Variants in TFF1 observed in about 807,000 individuals in gnomAD.
TFF1 encodes trefoil factor 1.
A neutral mutation model predicts 7.7 loss-of-function variants in TFF1; 8 were observed. That is an observed-to-expected ratio of 1.04 (90% CI 0.61 to 1.87). The LOEUF is 1.87. TFF1 is among the 40% of genes most tolerant of loss of function. The probability of loss-of-function intolerance (pLI) is 0.00; values close to 1 mark genes in which losing one functional copy is unlikely to be tolerated. For missense variants in TFF1, 120 were observed against 113.4 expected (o/e 1.06, Z -0.26); for synonymous variants, 47 against 44.8 (o/e 1.05, Z -0.19).
Position 42,363,379 on chromosome 21 carries a change from T to C in TFF1, c.114A>G (p.Arg38=). 1 of 1,614,068 alleles carries C rather than the reference T, an allele frequency of 6.2e-7. No individual in the cohort carries two copies. Among genetic ancestry groups the C allele is most frequent in the Non-Finnish European group, 8.5e-7 (1 of 1,180,010 alleles). ...TGACACCAGGAAAACCACAATTCTG[T>C]CTTTCACGGGGGGCCACTGTACACG... ...TETCTVAPRE[R]QNCGFPGVTP... The change falls in exon 2 of 3, where the codon AGA becomes AGG. Residue 38 remains arginine (R), a synonymous_variant. Transcript: ENST00000291527.
At chr21:42,366,087 C>T (rs1568869248) in intron 1 of TFF1, among the ~76,000 whole-genome samples, 1 of 152,176 alleles carries the variant, frequency 6.6e-6, no homozygotes, top group African/African-American at 2.4e-5. Context: ...GTCAAAAGCA[C>T]TATTCTGAGA....
intron 1 of TFF1, among the ~76,000 whole-genome samples, chr21:42,365,274 G>C (rs2052270356): frequency 6.6e-6 from 1 of 151,298 alleles, no homozygotes; most frequent in Middle Eastern, 3.4e-3. Context: ...AGAGCTGGGG[G>C]CTGGGGTGGG....
At chr21:42,364,927 T>C (rs1047888798) in intron 1 of TFF1, among the ~76,000 whole-genome samples, 3 of 152,044 alleles carry the variant, frequency 2.0e-5, no homozygotes, top group East Asian at 1.9e-4. Context: ...CCCGGGACAC[T>C]GTGGGGGTCA....
intron 1 of TFF1, among the ~76,000 whole-genome samples, chr21:42,364,986 G>C (rs968462428): frequency 1.3e-5 from 2 of 152,110 alleles, no homozygotes; most frequent in Admixed American, 1.3e-4. Context: ...GGTCGGGGGG[G>C]TTTCCTCCTC....
chr21:42,362,611 A>C, intron 2 of TFF1, 116 bp from the exon 3 acceptor site: 1 of 1,287,206 alleles, frequency 7.8e-7, no homozygotes, highest in South Asian at 1.5e-5. Context: ...CATTCTTTAG[A>C]AAACATGAAC....
intron 2 of TFF1, 116 bp from the exon 3 acceptor site, chr21:42,362,611 A>G: frequency 7.8e-7 from 1 of 1,287,206 alleles, no homozygotes; most frequent in South Asian, 1.5e-5. Context: ...CATTCTTTAG[A>G]AAACATGAAC....
chr21:42,362,632 G>A, intron 2 of TFF1, 137 bp from the exon 3 acceptor site: 1 of 1,077,374 alleles, frequency 9.3e-7, no homozygotes, highest in South Asian at 1.7e-5. Context: ...TGTCAGCCGG[G>A]CACGGTGGCT....
At chr21:42,362,533 G>A (rs1419834783) in intron 2 of TFF1, 38 bp from the exon 3 acceptor site, 2 of 1,551,286 alleles carry the variant, frequency 1.3e-6, no homozygotes, top group African/African-American at 1.4e-5. Flanking sequence ...AGATGCTTTA[G>A]TGAGGATAAA....
At chr21:42,364,032 A>G (rs2052260004) in intron 1 of TFF1, among the ~76,000 whole-genome samples, 1 of 151,600 alleles carries the variant, frequency 6.6e-6, no homozygotes, top group African/African-American at 2.4e-5. Context: ...ACTTGAACCC[A>G]GGAGGCAGAG....
intron 1 of TFF1, among the ~76,000 whole-genome samples, chr21:42,364,201 G>A (rs1427934852): frequency 6.6e-6 from 1 of 152,172 alleles, no homozygotes; most frequent in African/African-American, 2.4e-5. Flanking sequence ...GGTGCCCAGG[G>A]TAACCACGGG....
At chr21:42,365,175 G>A (rs1193762398) in intron 1 of TFF1, among the ~76,000 whole-genome samples, 1 of 152,018 alleles carries the variant, frequency 6.6e-6, no homozygotes, top group East Asian at 1.9e-4. Flanking sequence ...TGAGTGACCC[G>A]CAAAGACGCT....
chr21:42,363,469 C>T, intron 1 of TFF1, 62 bp from the exon 2 acceptor site: 1 of 1,551,704 alleles, frequency 6.4e-7, no homozygotes, highest in Non-Finnish European at 8.7e-7. Flanking sequence ...TGTTATCATG[C>T]ACACACCCAT....
intron 1 of TFF1, 119 bp downstream of exon 1, chr21:42,366,292 C>T (rs1404674249): frequency 2.8e-6 from 2 of 703,578 alleles, no homozygotes; most frequent in East Asian, 5.6e-5. Context: ...CTTTTAAGGG[C>T]CTAGAACAGC....
At chr21:42,365,174 C>T (rs1329744126) in intron 1 of TFF1, among the ~76,000 whole-genome samples, 2 of 152,018 alleles carry the variant, frequency 1.3e-5, no homozygotes, top group Non-Finnish European at 2.9e-5. Context: ...CTGAGTGACC[C>T]GCAAAGACGC....
intron 1 of TFF1, among the ~76,000 whole-genome samples, chr21:42,364,353 A>G (rs1341017442): frequency 1.3e-5 from 2 of 152,146 alleles, no homozygotes; most frequent in Non-Finnish European, 2.9e-5. Context: ...CAGGAGGTGG[A>G]AACCCATTGC....
chr21:42,365,620 G>C lies in TFF1; in HGVS notation c.85+791C>G, dbSNP rs1334858107. On this transcript the variant is annotated intron_variant, in intron 1 of 2. Coordinates refer to ENST00000291527, the MANE Select transcript of TFF1 (RefSeq NM_003225.3). ...TTTCTCCTGCCCCCACCTTGAAACTGTACCTAATAACGGCAAATAAGTTAT... is the reference window on the plus strand; with the variant it reads ...TTTCTCCTGCCCCCACCTTGAAACTCTACCTAATAACGGCAAATAAGTTAT... 2.0e-5 allele frequency among the ~76,000 whole-genome samples: 3 copies of C among 152,164 alleles called. No individual in the cohort carries two copies. In the East Asian group the frequency reaches 5.8e-4, roughly 29 times the overall value.
intron 2 of TFF1, 150 bp downstream of exon 2, chr21:42,363,105 C>G (rs2146404801): frequency 1.0e-6 from 1 of 969,084 alleles, no homozygotes. Flanking sequence ...TGAATGCAGC[C>G]TGACTCAGGC....
chr21:42,365,018 C>A (rs1414219365), intron 1 of TFF1, among the ~76,000 whole-genome samples: 1 of 152,112 alleles, frequency 6.6e-6, no homozygotes, highest in South Asian at 2.1e-4. Flanking sequence ...TTTCCAGCCC[C>A]GGTGCTCTGC....
At chr21:42,366,328 A>C (rs1460904722) in intron 1 of TFF1, 83 bp downstream of exon 1, 3 of 1,087,006 alleles carry the variant, frequency 2.8e-6, no homozygotes, top group Non-Finnish European at 4.0e-6. Flanking sequence ...GGTGCTCAAA[A>C]ATATGTATGT....
Sources: allele counts gnomAD v4.1 joint callset (sites outside exome capture counted in the v4.1 genomes callset), GRCh38; gene constraint gnomAD v4.1.1; transcripts MANE v1.5; gene names NCBI Gene and HGNC (gene_info 2026-07-23, HGNC 2026-07-21).